Variants in BAALC observed in about 807,000 individuals in gnomAD.
BAALC encodes the protein brain and acute leukemia cytoplasmic protein.
In BAALC, 9 loss-of-function variants were observed where a neutral mutation model predicts 15.5. The ratio of observed to expected loss-of-function variants is 0.58; its 90% CI spans 0.35 to 1.02. The LOEUF (loss-of-function observed/expected upper bound fraction) is 1.02. BAALC is among the 50% of genes least tolerant of loss of function. BAALC has a pLI of 0.02. For synonymous variants in BAALC, 80 were observed against 74.6 expected, an observed-to-expected ratio of 1.07 and a Z score of -0.37; for missense variants, 201 against 192.4, an observed-to-expected ratio of 1.04 and a Z score of -0.27.
intron 1 of BAALC, among the ~76,000 whole-genome samples, chr8:103,142,105 T>C (rs1313080809): frequency 6.6e-6 from 1 of 152,224 alleles, no homozygotes. Context: ...TAATGAAATC[T>C]AAAATGGAAA....
chr8:103,149,871 C>T (rs542367152), intron 1 of BAALC, among the ~76,000 whole-genome samples: 4 of 152,148 alleles, frequency 2.6e-5, no homozygotes, highest in East Asian at 1.9e-4. Flanking sequence ...TTACCTCCCC[C>T]TCAAGCCCCC....
chr8:103,223,343 TGGATAAACCA>T (rs1399585574), intron 2 of BAALC, among the ~76,000 whole-genome samples: 3 of 152,128 alleles, frequency 2.0e-5, no homozygotes, highest in African/African-American at 4.8e-5. Flanking sequence ...TTATCGGCCC[TGGATAAACCA>T]GGATAAACTA....
At chr8:103,178,107 A>G (rs189723910) in intron 1 of BAALC, among the ~76,000 whole-genome samples, 1 of 152,342 alleles carries the variant, frequency 6.6e-6, no homozygotes, top group Admixed American at 6.5e-5. Context: ...ATTAAAAAGC[A>G]GAGGACTATA....
At chr8:103,161,822 G>A (rs1811231707) in intron 1 of BAALC, among the ~76,000 whole-genome samples, 1 of 152,086 alleles carries the variant, frequency 6.6e-6, no homozygotes, top group African/African-American at 2.4e-5. Flanking sequence ...CACTTTAGTA[G>A]GTAAGGAATT....
At chr8:103,215,181 T>G (rs1392181574) in intron 2 of BAALC, among the ~76,000 whole-genome samples, 1 of 152,178 alleles carries the variant, frequency 6.6e-6, no homozygotes, top group Non-Finnish European at 1.5e-5. Context: ...TTTAAAATTA[T>G]GTTTTGCAGT....
At chr8:103,202,380 G>A (rs1435712085) in intron 1 of BAALC, among the ~76,000 whole-genome samples, 2 of 152,142 alleles carry the variant, frequency 1.3e-5, no homozygotes, top group African/African-American at 4.8e-5. Context: ...GAAGACAGAG[G>A]GAGAAGACAT....
intron 1 of BAALC, among the ~76,000 whole-genome samples, chr8:103,187,776 C>A (rs545515702): frequency 6.6e-6 from 1 of 152,216 alleles, no homozygotes; most frequent in South Asian, 2.1e-4. Context: ...GAGTTATTTT[C>A]GTGAGACCCC....
intron 1 of BAALC, among the ~76,000 whole-genome samples, chr8:103,149,867 C>T (rs917834563): frequency 6.6e-6 from 1 of 152,156 alleles, no homozygotes; most frequent in African/African-American, 2.4e-5. Flanking sequence ...CCTCTTACCT[C>T]CCCCTCAAGC....
chr8:103,212,191 T>C (rs960895917), intron 1 of BAALC, among the ~76,000 whole-genome samples: 1 of 152,202 alleles, frequency 6.6e-6, no homozygotes, highest in African/African-American at 2.4e-5. Flanking sequence ...ATGCCTGTAA[T>C]CTCAGCACTT....
chr8:103,177,485 CCTT>C (rs1490678920), intron 1 of BAALC, among the ~76,000 whole-genome samples: 2 of 152,174 alleles, frequency 1.3e-5, no homozygotes, highest in African/African-American at 4.8e-5. Flanking sequence ...CTGTACCCGG[CCTT>C]CTTCTTCTCT....
chr8:103,199,511 C>T (rs920310509), intron 1 of BAALC, among the ~76,000 whole-genome samples: 10 of 151,124 alleles, frequency 6.6e-5, no homozygotes, highest in African/African-American at 2.4e-4. Context: ...GGGTAAGCAC[C>T]CAAGGGATAC....
intron 2 of BAALC, among the ~76,000 whole-genome samples, chr8:103,223,685 A>G (rs1812734142): frequency 6.6e-6 from 1 of 152,240 alleles, no homozygotes; most frequent in Non-Finnish European, 1.5e-5. Flanking sequence ...AGCCTCTTAA[A>G]TAGGCTTGGA....
intron 1 of BAALC, chr8:103,183,578 G>A: frequency 1.6e-6 from 1 of 641,378 alleles, no homozygotes; most frequent in Non-Finnish European, 2.8e-6. Context: ...CAGGTGTCAT[G>A]AAGCATATTT....
intron 1 of BAALC, among the ~76,000 whole-genome samples, chr8:103,166,771 A>T (rs1185045146): frequency 6.6e-6 from 1 of 152,176 alleles, no homozygotes; most frequent in Non-Finnish European, 1.5e-5. Flanking sequence ...AATCCTCTTA[A>T]AAGAAAATTG....
At chr8:103,168,247 T>C (rs1182724345) in intron 1 of BAALC, among the ~76,000 whole-genome samples, 1 of 152,234 alleles carries the variant, frequency 6.6e-6, no homozygotes, top group African/African-American at 2.4e-5. Context: ...TCTTGTTTCA[T>C]TTCCTTGTCT....
intron 2 of BAALC, among the ~76,000 whole-genome samples, chr8:103,217,199 A>G (rs778042685): frequency 6.6e-6 from 1 of 152,238 alleles, no homozygotes; most frequent in Non-Finnish European, 1.5e-5. Flanking sequence ...GGGAGCTGAT[A>G]ACTTTAGTTT....
Position 103,145,694 on chromosome 8 carries a change from A to T in BAALC, c.160+4637A>T, listed in dbSNP as rs1467752768. Among the ~76,000 whole-genome samples, 6 of 152,210 alleles carry T rather than the reference A, an allele frequency of 3.9e-5. No homozygotes were observed. The East Asian group carries it at 1.2e-3, about 29-fold the overall frequency. ...TTAAAATCCTTAGATCTTTCTTTAT[A>T]ATCAAATTTAAGTTTTATGACATCA... On this transcript the variant is annotated intron_variant, in intron 1 of 2. Coordinates refer to ENST00000309982, the MANE Select transcript of BAALC (RefSeq NM_024812.3).
At chr8:103,180,008 A>G (rs1563645239) in intron 1 of BAALC, among the ~76,000 whole-genome samples, 2 of 152,182 alleles carry the variant, frequency 1.3e-5, no homozygotes, top group Non-Finnish European at 2.9e-5. Flanking sequence ...CCCAAAAGTG[A>G]ATCTGCCCAC....
intron 1 of BAALC, among the ~76,000 whole-genome samples, chr8:103,206,677 G>T (rs901375746): frequency 6.6e-6 from 1 of 152,056 alleles, no homozygotes; most frequent in Non-Finnish European, 1.5e-5. Flanking sequence ...AACAAGCAGG[G>T]TATGTATATT....
Sources: allele counts gnomAD v4.1 joint callset (sites outside exome capture counted in the v4.1 genomes callset), GRCh38; gene constraint gnomAD v4.1.1; transcripts MANE v1.5; gene names NCBI Gene and HGNC (gene_info 2026-07-23, HGNC 2026-07-21).